SLX9: variants seen among roughly 807,000 people sequenced by gnomAD.
The protein encoded by SLX9 is SLX9 ribosome biogenesis factor.
Under a neutral mutation model 20.8 loss-of-function variants are expected in SLX9, and 19 were observed. The observed-to-expected ratio is 0.91, with a 90% CI of 0.64 to 1.34. SLX9 has a LOEUF of 1.34. Ranked by LOEUF, SLX9 falls within the 40% of genes most tolerant of loss-of-function variation. The pLI, the probability that SLX9 is intolerant of heterozygous loss-of-function variation, is 0.00. For synonymous variants in SLX9, 113 were observed against 137.1 expected (o/e 0.82, Z 1.23); for missense variants, 299 against 322.2 (o/e 0.93, Z 0.55).
chr21:44,939,915 C>A (rs1020626007), upstream of SLX9: 4 of 862,172 alleles, frequency 4.6e-6, no homozygotes, highest in Non-Finnish European at 6.5e-6. Flanking sequence ...ACCCGCGACC[C>A]TGCGCCCGCC....
chr21:44,972,214 C>T (rs368905076), intron 4 of SLX9, among the ~76,000 whole-genome samples: 8 of 152,170 alleles, frequency 5.3e-5, no homozygotes, highest in African/African-American at 9.7e-5. Context: ...TCTGAGAAGG[C>T]GCCTGGTGTG....
intron 5 of SLX9, among the ~76,000 whole-genome samples, chr21:44,974,878 G>A (rs111369849): frequency 4.7e-4 from 72 of 152,344 alleles, no homozygotes; most frequent in African/African-American, 1.6e-3. Context: ...AGCCTGGTCC[G>A]GGGAGCCCCT....
intron 4 of SLX9, among the ~76,000 whole-genome samples, chr21:44,969,750 T>G (rs986044161): frequency 6.8e-5 from 9 of 131,514 alleles, no homozygotes; most frequent in African/African-American, 4.0e-4. Context: ...CGTTAAGTAA[T>G]TAATAGTTAA....
intron 2 of SLX9, among the ~76,000 whole-genome samples, chr21:44,953,258 C>T (rs533655456): frequency 2.2e-4 from 33 of 152,344 alleles, no homozygotes; most frequent in African/African-American, 7.9e-4. Context: ...TGTTCAGGGG[C>T]CCTGGGCACT....
At chr21:44,948,649 C>T (rs1323744385) in intron 2 of SLX9, among the ~76,000 whole-genome samples, 1 of 152,172 alleles carries the variant, frequency 6.6e-6, no homozygotes, top group Non-Finnish European at 1.5e-5. Context: ...GGAGAGGGAG[C>T]TCACAGCATG....
chr21:44,946,075 G>A (rs2084636877), intron 2 of SLX9, among the ~76,000 whole-genome samples: 1 of 152,214 alleles, frequency 6.6e-6, no homozygotes, highest in African/African-American at 2.4e-5. Flanking sequence ...TTAATTTAGA[G>A]TAACTGGTGG....
chr21:44,971,431 C>T (rs977946562), intron 4 of SLX9, among the ~76,000 whole-genome samples: 1 of 152,062 alleles, frequency 6.6e-6, no homozygotes, highest in Non-Finnish European at 1.5e-5. Context: ...GTGTGGGACG[C>T]GTGGGTGGGG....
chr21:44,956,613 A>C (rs8134646), intron 2 of SLX9, among the ~76,000 whole-genome samples: 73,985 of 152,132 alleles, frequency 0.49, 18,418 homozygotes, highest in South Asian at 0.67. Context: ...AGCATCGCGT[A>C]GTGTGTTCTG....
intron 3 of SLX9, among the ~76,000 whole-genome samples, chr21:44,962,178 G>T (rs2084958195): frequency 6.6e-6 from 1 of 151,830 alleles, no homozygotes; most frequent in South Asian, 2.1e-4. Context: ...TTTGAAGATT[G>T]TATTTACATA....
chr21:44,967,196 G>A lies in SLX9; in HGVS notation c.500+15G>A. 6.4e-7 allele frequency: 1 copy of A among 1,552,926 alleles called. No individual in the cohort carries two copies. The highest frequency in any genetic ancestry group is 2.3e-5 in the East Asian group (1 of 44,372). ...CAAGCCCGCAGGTGAGTGTCCGGGA[G>A]GGGTGGCCCTTTCCGAGCTGTGGGG... On this transcript the variant is annotated intron_variant, in intron 4 of 5. Coordinates refer to ENST00000291634, the MANE Select transcript of SLX9 (RefSeq NM_058190.4).
chr21:44,970,466 T>C (rs2085122753), intron 4 of SLX9, among the ~76,000 whole-genome samples: 1 of 152,048 alleles, frequency 6.6e-6, no homozygotes, highest in Non-Finnish European at 1.5e-5. Flanking sequence ...ATCTTGGACA[T>C]CTCCTGCCAG....
intron 3 of SLX9, among the ~76,000 whole-genome samples, chr21:44,960,739 G>T (rs1601404256): frequency 1.3e-5 from 2 of 152,238 alleles, no homozygotes; most frequent in Admixed American, 6.5e-5. Context: ...CTTGCCACGT[G>T]CTCCCAGCTG....
At chr21:44,956,775 T>G (rs1160042074) in intron 2 of SLX9, among the ~76,000 whole-genome samples, 1 of 152,216 alleles carries the variant, frequency 6.6e-6, no homozygotes, top group Non-Finnish European at 1.5e-5. Flanking sequence ...CTGGTGAGCC[T>G]GGTTCTGTGT....
chr21:44,948,516 A>G (rs1486441091), intron 2 of SLX9, among the ~76,000 whole-genome samples: 1 of 152,208 alleles, frequency 6.6e-6, no homozygotes, highest in Non-Finnish European at 1.5e-5. Flanking sequence ...GTTTTCAGAC[A>G]GGCACTTGGG....
intron 4 of SLX9, among the ~76,000 whole-genome samples, chr21:44,970,396 C>CT (rs2085121276): frequency 6.6e-6 from 1 of 152,148 alleles, no homozygotes; most frequent in African/African-American, 2.4e-5. Context: ...GCCCCATTGA[C>CT]GTGGGGGTCG....
At chr21:44,950,695 T>C (rs1412426893) in intron 2 of SLX9, among the ~76,000 whole-genome samples, 2 of 152,248 alleles carry the variant, frequency 1.3e-5, no homozygotes, top group African/African-American at 4.8e-5. Context: ...AGTCACATGG[T>C]GCCATGCTGA....
intron 2 of SLX9, among the ~76,000 whole-genome samples, chr21:44,950,840 T>C (rs1487591939): frequency 6.6e-6 from 1 of 152,046 alleles, no homozygotes; most frequent in Non-Finnish European, 1.5e-5. Flanking sequence ...ATCAGCTCCT[T>C]CATCTGCGAA....
intron 3 of SLX9, 108 bp from the exon 4 acceptor site, chr21:44,966,926 A>T (rs2085046372): frequency 1.4e-6 from 2 of 1,403,380 alleles, no homozygotes; most frequent in Admixed American, 2.0e-5. Flanking sequence ...GGAAGGAGAG[A>T]GGCAGCAGGG....
chr21:44,963,221 C>T (rs1270961413), intron 3 of SLX9, among the ~76,000 whole-genome samples: 1 of 151,694 alleles, frequency 6.6e-6, no homozygotes. Flanking sequence ...TCTGAGTAGC[C>T]GGGACTACAG....
Sources: allele counts gnomAD v4.1 joint callset (sites outside exome capture counted in the v4.1 genomes callset), GRCh38; gene constraint gnomAD v4.1.1; transcripts MANE v1.5; gene names NCBI Gene and HGNC (gene_info 2026-07-23, HGNC 2026-07-21).